MPC2: variants seen among roughly 807,000 people sequenced by gnomAD.
MPC2 encodes the protein mitochondrial pyruvate carrier 2.
A neutral mutation model predicts 19.2 loss-of-function variants in MPC2; 19 were observed. That is an observed-to-expected ratio of 0.99 (90% CI 0.69 to 1.45). The LOEUF is 1.45. Ranked by LOEUF, MPC2 falls within the 40% of genes most tolerant of loss-of-function variation. MPC2 has a pLI of 0.00. For synonymous variants in MPC2, 61 were observed against 54.3 expected, an observed-to-expected ratio of 1.12 and a Z score of -0.54; for missense variants, 122 against 153.0, an observed-to-expected ratio of 0.80 and a Z score of 1.07.
chr1:167,924,152 T>C (rs1670672834), intron 3 of MPC2, among the ~76,000 whole-genome samples: 9 of 152,198 alleles, frequency 5.9e-5, no homozygotes, highest in Admixed American at 5.2e-4. Context: ...TCAGTTCTCA[T>C]ACTAAATTAA....
intron 3 of MPC2, among the ~76,000 whole-genome samples, chr1:167,921,205 A>T (rs1440435832): frequency 1.3e-5 from 2 of 151,826 alleles, no homozygotes; most frequent in African/African-American, 4.8e-5. Context: ...AGAAAAACTT[A>T]TAATTTTAGT....
chr1:167,925,146 A>G (rs1670701177), intron 2 of MPC2, among the ~76,000 whole-genome samples: 1 of 152,032 alleles, frequency 6.6e-6, no homozygotes, highest in Non-Finnish European at 1.5e-5. Context: ...GTCCCTCTCG[A>G]ATTCACAGTA....
chr1:167,931,832 T>C (rs1670920908), intron 2 of MPC2, among the ~76,000 whole-genome samples: 1 of 152,212 alleles, frequency 6.6e-6, no homozygotes, highest in African/African-American at 2.4e-5. Flanking sequence ...TAAACACTGA[T>C]AACATTGGTT....
At chr1:167,931,564 CAT>C (rs1417168433) in intron 2 of MPC2, among the ~76,000 whole-genome samples, 3 of 151,736 alleles carry the variant, frequency 2.0e-5, no homozygotes, top group African/African-American at 7.3e-5. Flanking sequence ...TATATATGGA[CAT>C]ATATTAATAT....
chr1:167,918,551 A>G (rs543212360), intron 5 of MPC2, among the ~76,000 whole-genome samples, 192 bp from the exon 6 acceptor site: 1 of 151,744 alleles, frequency 6.6e-6, no homozygotes, highest in Non-Finnish European at 1.5e-5. Context: ...GTTCATTTGC[A>G]TCTGGATTTT....
At chr1:167,924,472 G>A (rs755617369) in intron 3 of MPC2, 25 bp downstream of exon 3, 126 of 1,583,710 alleles carry the variant, frequency 8.0e-5, no homozygotes, top group Non-Finnish European at 1.0e-4. Flanking sequence ...TCTTTCAGTA[G>A]CTTCCGTAAA....
chr1:167,921,260 T>C (rs2102530083), intron 3 of MPC2, among the ~76,000 whole-genome samples: 1 of 152,078 alleles, frequency 6.6e-6, no homozygotes, highest in Admixed American at 6.5e-5. Context: ...TCTCACTCTG[T>C]CACCCAGGTT....
intron 2 of MPC2, among the ~76,000 whole-genome samples, chr1:167,926,234 T>C (rs906552041): frequency 2.7e-4 from 41 of 152,226 alleles, no homozygotes; most frequent in African/African-American, 9.9e-4. Flanking sequence ...CTGAAACAGC[T>C]GGTGAGAGAA....
intron 2 of MPC2, among the ~76,000 whole-genome samples, chr1:167,929,366 A>C (rs191841289): frequency 5.9e-5 from 9 of 152,188 alleles, no homozygotes; most frequent in African/African-American, 2.2e-4. Context: ...TCTCGAAAAA[A>C]GAAAAAAAAA....
chr1:167,933,841 G>T (rs10489202), intron 2 of MPC2, among the ~76,000 whole-genome samples: 30,855 of 152,140 alleles, frequency 0.2, 3,827 homozygotes, highest in Admixed American at 0.36. Context: ...TCCTTACTCT[G>T]TATGTTGCTC....
chr1:167,935,892 T>G lies in MPC2; in HGVS notation c.-51A>C. ...GGGTGGGAGCGTGGCTGTGTTCTCG[T>G]CCCTGGCTGACAACGAAGGGGAGCT... On this transcript the variant is annotated 5_prime_UTR_variant, in exon 2 of 6. Coordinates refer to ENST00000271373, the MANE Select transcript of MPC2 (RefSeq NM_001143674.4). The G allele has an allele frequency of 7.1e-7, 1 of 1,399,766 alleles. No individual in the cohort carries two copies. Among genetic ancestry groups the G allele is most frequent in the Non-Finnish European group, 9.9e-7 (1 of 1,011,738 alleles). 86.7% of individuals were successfully genotyped at this position (1,399,766 alleles called of 1,614,324 possible).
intron 1 of MPC2, chr1:167,936,177 G>A (rs1252823032): frequency 1.4e-5 from 4 of 284,218 alleles, no homozygotes; most frequent in East Asian, 1.9e-4. Context: ...TGCGCAGGCC[G>A]AGCTGCCCGC....
At chr1:167,927,461 G>A (rs775686820) in intron 2 of MPC2, among the ~76,000 whole-genome samples, 1 of 152,080 alleles carries the variant, frequency 6.6e-6, no homozygotes. Flanking sequence ...TTTTATCCTC[G>A]CATGGAGTTT....
rs1037294061 is a variant in MPC2, at chr1:167,916,851, G to A, written c.*1472C>T. ...GCCAAACACACAAATGAATTTAACAGTGTGGTTTATGAAATGAAAGCAATA... is the reference window on the plus strand; with the variant it reads ...GCCAAACACACAAATGAATTTAACAATGTGGTTTATGAAATGAAAGCAATA... On this transcript the variant is annotated 3_prime_UTR_variant, in exon 6 of 6. Coordinates refer to ENST00000271373, the MANE Select transcript of MPC2 (RefSeq NM_001143674.4). 1.3e-5 allele frequency: 2 copies of A among 152,222 alleles called. No homozygotes were observed. The highest frequency in any genetic ancestry group is 4.8e-5 in the African/African-American group (2 of 41,442). The allele number at this position is 152,222 out of a possible 1,614,324, so 9.4% of individuals were successfully genotyped here.
intron 1 of MPC2, 58 bp from the exon 2 acceptor site, chr1:167,935,956 C>A: frequency 1.3e-6 from 1 of 772,926 alleles, no homozygotes; most frequent in Non-Finnish European, 2.2e-6. Flanking sequence ...GTCCGCCTCT[C>A]GCCTGGAGTA....
Position 167,918,102 on chromosome 1 carries a change from T to A in MPC2, c.*221A>T, listed in dbSNP as rs1670507971. 4.6e-6 allele frequency: 2 copies of A among 437,192 alleles called. No homozygotes were observed. Among genetic ancestry groups the A allele is most frequent in the Admixed American group, 4.0e-5 (1 of 24,746 alleles). 27.1% of individuals were successfully genotyped at this position (437,192 alleles called of 1,614,324 possible). On this transcript the variant is annotated 3_prime_UTR_variant, in exon 6 of 6. Transcript: ENST00000271373. ...GCAAGTATGGTTTATTACGGACAAA[T>A]GGTAGAAAAATGTTACTAATATCCA...
chr1:167,924,704 C>G (rs973015873), intron 2 of MPC2, among the ~76,000 whole-genome samples, 167 bp from the exon 3 acceptor site: 8 of 152,148 alleles, frequency 5.3e-5, no homozygotes, highest in African/African-American at 1.9e-4. Flanking sequence ...TTTAGAGAGG[C>G]ACCACAGTAT....
At position 167,918,278 on chromosome 1, in the gene MPC2, A is replaced by G. The variant is rs773579672; in HGVS notation, c.*45T>C. ...TAACCAAATAATAAACTAGGTCCCA[A>G]TGGTTTTGTCCACATCTAGATTGTT... On this transcript the variant is annotated 3_prime_UTR_variant, in exon 6 of 6. Transcript: ENST00000271373. 1.5e-5 allele frequency: 22 copies of G among 1,471,264 alleles called. No individual in the cohort carries two copies. The highest frequency in any genetic ancestry group is 6.1e-5 in the South Asian group (5 of 81,958). 91.1% of individuals were successfully genotyped at this position (1,471,264 alleles called of 1,614,324 possible). A position where few individuals can be genotyped will look rare whatever the true frequency, so the allele number is the denominator to read the frequency against.
rs1553201080 is a variant in MPC2, at chr1:167,927,682, T to TAAAA, written c.110-3146_110-3145insTTTT. Among the ~76,000 whole-genome samples the TAAAA allele has an allele frequency of 8.7e-3, 1,320 of 151,168 alleles. 17 individuals carry two copies. Among genetic ancestry groups the TAAAA allele is most frequent in the African/African-American group, 0.031 (1,268 of 40,552 alleles). On this transcript the variant is annotated intron_variant, in intron 2 of 5. Transcript: ENST00000271373. ...GCTTAAATGGTTGATCCTTTGGGGTTAATAGTCGATCTTTTCAGTAGGTTT... is the reference window on the plus strand; with the variant it reads ...GCTTAAATGGTTGATCCTTTGGGGTTAAAAAATAGTCGATCTTTTCAGTAGGTTT...
Sources: gnomAD v4.1 joint callset for allele counts (sites outside exome capture counted in the v4.1 genomes callset) on GRCh38, gnomAD v4.1.1 for gene constraint, MANE v1.5 for transcripts, NCBI Gene and HGNC (gene_info 2026-07-23, HGNC 2026-07-21) for gene names.